LRCH4: variants seen among roughly 807,000 people sequenced by gnomAD.
LRCH4 encodes the protein leucine-rich repeat and calponin homology domain-containing protein 4.
Under a neutral mutation model 81.2 loss-of-function variants are expected in LRCH4, and 56 were observed. The observed-to-expected ratio is 0.69, with a 90% CI of 0.56 to 0.86. The LOEUF is 0.86. Ranked by LOEUF, LRCH4 falls within the 40% of genes least tolerant of loss-of-function variation. The pLI, the probability that LRCH4 is intolerant of heterozygous loss-of-function variation, is 0.00. For synonymous variants in LRCH4, 442 were observed against 409.7 expected (o/e 1.08, Z -0.95); for missense variants, 895 against 922.8 (o/e 0.97, Z 0.39).
chr7:100,581,485 A>G (rs530036565), intron 4 of LRCH4, among the ~76,000 whole-genome samples: 2 of 152,224 alleles, frequency 1.3e-5, no homozygotes, highest in Admixed American at 1.3e-4. Context: ...ATGAGGGTGG[A>G]GCCCTCATCA....
intron 14 of LRCH4, 30 bp downstream of exon 14, chr7:100,576,664 G>A: frequency 6.4e-7 from 1 of 1,552,982 alleles, no homozygotes. Context: ...GCAAGCACTG[G>A]GTCAGCACTG....
chr7:100,575,238 C>A lies in LRCH4; in HGVS notation c.1921G>T (p.Ala641Ser). ...TARGLRTALE[A>S]VKRVGGKALP... is the part of the protein sequence containing the mutation. The stretch of plus-strand genomic sequence containing the variant: ...GCCTTGCCCCCCACCCGCTTCACGG[C>A]CTCCAGCGCGGTCCGCAGCCCCCGG... Residue 641 changes from alanine (A) to serine (S), a missense_variant, in exon 18 of 18, where the codon GCC (alanine) becomes TCC (serine). By Grantham distance (99) the Ala-to-Ser change is moderately conservative. Around this residue, in one of 3 missense-constraint regions of LRCH4, gnomAD observed 529 missense variants for 504.9 expected, o/e 1.05. Coordinates refer to ENST00000310300, the MANE Select transcript of LRCH4 (RefSeq NM_002319.5). The surrounding 1 kb of genome is among the most constrained non-coding windows in gnomAD (Gnocchi z 5.3). The A allele has an allele frequency of 6.3e-7, 1 of 1,599,404 alleles. No homozygotes were observed. Among genetic ancestry groups the A allele is most frequent in the Admixed American group, 1.7e-5 (1 of 57,366 alleles).
rs1017286122 is a variant in LRCH4 at position 100,583,730 on chromosome 7, C to G, written c.221-1271G>C. Among the ~76,000 whole-genome samples, 1 of 152,212 alleles carries G rather than the reference C, an allele frequency of 6.6e-6. No homozygotes were observed. Among genetic ancestry groups the G allele is most frequent in the Admixed American group, 6.5e-5 (1 of 15,288 alleles). On this transcript the variant is annotated intron_variant, in intron 1 of 17. Coordinates refer to ENST00000310300, the MANE Select transcript of LRCH4 (RefSeq NM_002319.5). This position sits in a 1 kb window ranked among gnomAD's most constrained non-coding sequence, Gnocchi z 4.3. Reference sequence around the variant, plus strand: ...CTGGTGCACAGACAGAAGCCCTGGCCTCAGAGATGACCGTTCTGGAGAGGG... The same window carrying G: ...CTGGTGCACAGACAGAAGCCCTGGCGTCAGAGATGACCGTTCTGGAGAGGG...
Position 100,577,214 on chromosome 7 carries a change from G to T in LRCH4, c.1295+59C>A. 6.2e-7 allele frequency: 1 copy of T among 1,609,240 alleles called. No homozygotes were observed. The highest frequency in any genetic ancestry group is 8.5e-7 in the Non-Finnish European group (1 of 1,179,128). On this transcript the variant is annotated intron_variant, in intron 11 of 17. Coordinates refer to ENST00000310300, the MANE Select transcript of LRCH4 (RefSeq NM_002319.5). This position sits in a 1 kb window ranked among gnomAD's most constrained non-coding sequence, Gnocchi z 6.7. The stretch of plus-strand genomic sequence containing the variant: ...AGGCAGAACGGCTCAGCGGGGCTCG[G>T]TGGCCCCATTTCCAGGGCTCAGTGT...
chr7:100,585,058 C>A (rs1289046825), intron 1 of LRCH4: 13 of 256,122 alleles, frequency 5.1e-5, no homozygotes, highest in Non-Finnish European at 8.8e-5. Context: ...ACAGATCCTG[C>A]GGGTGGAGGC....
chr7:100,579,264 G>T (rs1801461814), intron 4 of LRCH4: 1 of 160,390 alleles, frequency 6.2e-6, no homozygotes, highest in South Asian at 1.7e-4. Context: ...ATGAAATGCT[G>T]CCTGCCCACA....
At chr7:100,585,844 AG>A in intron 1 of LRCH4, 36 bp downstream of exon 1, 3 of 1,523,050 alleles carry the variant, frequency 2.0e-6, no homozygotes, top group Non-Finnish European at 1.8e-6. Context: ...TATGCAAATG[AG>A]GGACCCGGTT....
In LRCH4 at chr7:100,574,177, A is replaced by C. The variant is rs1801250102; in HGVS notation, c.*930T>G. The C allele has an allele frequency of 6.2e-6, 1 of 160,152 alleles. No individual in the cohort carries two copies. Among genetic ancestry groups the C allele is most frequent in the African/African-American group, 2.4e-5 (1 of 41,492 alleles). The allele number at this position is 160,152 out of a possible 1,614,324, so 9.9% of individuals were successfully genotyped here. ...GCCACCCTCACCACGTGCTTCTCTGAGAGCGCGGAGCCCAGGCGCGTCTTC... is the reference window on the plus strand; with the variant it reads ...GCCACCCTCACCACGTGCTTCTCTGCGAGCGCGGAGCCCAGGCGCGTCTTC... On this transcript the variant is annotated 3_prime_UTR_variant, in exon 18 of 18. Coordinates refer to ENST00000310300, the MANE Select transcript of LRCH4 (RefSeq NM_002319.5).
intron 15 of LRCH4, 50 bp from the exon 16 acceptor site, chr7:100,576,058 G>A (rs1801348066): frequency 6.4e-7 from 1 of 1,563,128 alleles, no homozygotes; most frequent in South Asian, 1.2e-5. Context: ...AGAGGCGTCT[G>A]GGAGGCAGGG....
intron 14 of LRCH4, 36 bp from the exon 15 acceptor site, chr7:100,576,359 T>C: frequency 6.9e-7 from 1 of 1,447,786 alleles, no homozygotes; most frequent in Non-Finnish European, 9.7e-7. Context: ...CTGCCTCCAC[T>C]GCTCACCACT....
In LRCH4 at chr7:100,575,446, T is replaced by G. The variant is rs1562804013; in HGVS notation, c.1855-142A>C. The G allele has an allele frequency of 1.1e-6, 1 of 889,546 alleles. No individual in the cohort carries two copies. Among genetic ancestry groups the G allele is most frequent in the South Asian group, 1.4e-5 (1 of 70,626 alleles). The allele number at this position is 889,546 out of a possible 1,614,324, so 55.1% of individuals were successfully genotyped here. A position where few individuals can be genotyped will look rare whatever the true frequency, so the allele number is the denominator to read the frequency against. On this transcript the variant is annotated intron_variant, in intron 17 of 17. Coordinates refer to ENST00000310300, the MANE Select transcript of LRCH4 (RefSeq NM_002319.5). The surrounding 1 kb of genome is among the most constrained non-coding windows in gnomAD (Gnocchi z 5.3). ...GACGTGCTGGGCAGGGGGAGTGCAG[T>G]GCAGGAGGAGTGCAGGGCAGGGCAT... is the stretch of plus-strand genomic sequence containing the variant.
Position 100,578,590 on chromosome 7 carries a change from C to A in LRCH4, c.735+60G>T. 1 of 1,601,792 alleles carries A rather than the reference C, an allele frequency of 6.2e-7. No homozygotes were observed. Among genetic ancestry groups the A allele is most frequent in the Non-Finnish European group, 8.5e-7 (1 of 1,172,668 alleles). ...ATCCTGCTCAGCTATCCAAGGGGAC[C>A]AACCCCACTCCTGCCTAGCCACACC... is the stretch of plus-strand genomic sequence containing the variant. On this transcript the variant is annotated intron_variant, in intron 5 of 17. Transcript: ENST00000310300. This position sits in a 1 kb window ranked among gnomAD's most constrained non-coding sequence, Gnocchi z 5.7.
rs1328110321 is a variant in LRCH4 at position 100,583,757 on chromosome 7, G to T, written c.221-1298C>A. Among the ~76,000 whole-genome samples, 3 of 152,156 alleles carry T rather than the reference G, an allele frequency of 2.0e-5. No individual in the cohort carries two copies. Among genetic ancestry groups the T allele is most frequent in the Admixed American group, 6.5e-5 (1 of 15,276 alleles). ...CAGAGATGACCGTTCTGGAGAGGGT[G>T]GGGGGATGGCATTTGCCCCTCCCAG... On this transcript the variant is annotated intron_variant, in intron 1 of 17. Coordinates refer to ENST00000310300, the MANE Select transcript of LRCH4 (RefSeq NM_002319.5). This position sits in a 1 kb window ranked among gnomAD's most constrained non-coding sequence, Gnocchi z 4.3.
At chr7:100,585,791 G>C in intron 1 of LRCH4, 90 bp downstream of exon 1, 1 of 1,362,990 alleles carries the variant, frequency 7.3e-7, no homozygotes. Context: ...CCAGGTGAAG[G>C]GGCGGGCCCG....
Position 100,583,801 on chromosome 7 carries a change from G to A in LRCH4, c.221-1342C>T, listed in dbSNP as rs539925365. Among the ~76,000 whole-genome samples, 5 of 152,242 alleles carry A rather than the reference G, an allele frequency of 3.3e-5. No homozygotes were observed. Among genetic ancestry groups the A allele is most frequent in the African/African-American group, 9.6e-5 (4 of 41,530 alleles). On this transcript the variant is annotated intron_variant, in intron 1 of 17. Coordinates refer to ENST00000310300, the MANE Select transcript of LRCH4 (RefSeq NM_002319.5). This position sits in a 1 kb window ranked among gnomAD's most constrained non-coding sequence, Gnocchi z 4.3. The stretch of plus-strand genomic sequence containing the variant: ...CTCCCAGCCTCGCCTCCACCTGCCC[G>A]CTTTCTCTGCAAATGTGTTTGTGTG...
At position 100,585,893 on chromosome 7, in the gene LRCH4, T is replaced by A; in HGVS notation, c.208A>T (p.Ile70Phe). 1 of 1,607,944 alleles carries A rather than the reference T, an allele frequency of 6.2e-7. No homozygotes were observed. The highest frequency in any genetic ancestry group is 8.5e-7 in the Non-Finnish European group (1 of 1,176,570). ...GAARSYDLSD[I>F]TQADLSRNRF... ...CGGCTGCACTCACCAGCCTGGGTGA[T>A]GTCTGACAGGTCGTAGCTACGGGCC... The change falls in exon 1 of 18, where the codon ATC (isoleucine) becomes TTC (phenylalanine). Residue 70 changes from isoleucine to phenylalanine, a missense_variant. This residue lies in a region of LRCH4 where 360 missense variants were observed against 397.0 expected (regional missense o/e 0.91). Coordinates refer to ENST00000310300, the MANE Select transcript of LRCH4 (RefSeq NM_002319.5).
Position 100,574,626 on chromosome 7 carries a change from G to GCACACACACACACACACACA in LRCH4, c.*480_*481insTGTGTGTGTGTGTGTGTGTG, listed in dbSNP as rs1225489366. 7.5e-6 allele frequency: 1 copy of GCACACACACACACACACACA among 133,800 alleles called. No homozygotes were observed. The highest frequency in any genetic ancestry group is 3.1e-5 in the African/African-American group (1 of 32,594). The allele number at this position is 133,800 out of a possible 1,614,324, so 8.3% of individuals were successfully genotyped here. ...ACCAACACGCGGAGCAGACGCGCGC[G>GCACACACACACACACACACA]CGCGCGCACACACACACACACAGGC... On this transcript the variant is annotated 3_prime_UTR_variant, in exon 18 of 18. Transcript: ENST00000310300.
Position 100,583,469 on chromosome 7 carries a change from G to C in LRCH4, c.221-1010C>G, listed in dbSNP as rs77727156. Among the ~76,000 whole-genome samples, 4,767 of 152,278 alleles carry C rather than the reference G, an allele frequency of 0.031. 244 individuals are homozygous for C. Among genetic ancestry groups the C allele is most frequent in the African/African-American group, 0.11 (4,414 of 41,540 alleles). On this transcript the variant is annotated intron_variant, in intron 1 of 17. Transcript: ENST00000310300. This position sits in a 1 kb window ranked among gnomAD's most constrained non-coding sequence, Gnocchi z 4.3. ...GGGAGGGGCCCAGGGCCCGCGAGGC[G>C]GAGTCCCAGGCCACAGACCTGGTGA...
At chr7:100,576,870 G>C (rs1801378818) in intron 13 of LRCH4, 32 bp downstream of exon 13, 1 of 1,536,728 alleles carries the variant, frequency 6.5e-7, no homozygotes, top group African/African-American at 1.4e-5. Flanking sequence ...ACCAACACAG[G>C]CCCCATCCTC....
Sources: gnomAD v4.1 joint callset for allele counts (sites outside exome capture counted in the v4.1 genomes callset) on GRCh38, gnomAD v4.1.1 for gene constraint, gnomAD v4.1.1 regional missense constraint, Gnocchi (gnomAD v3.1) non-coding constraint, MANE v1.5 for transcripts, NCBI Gene and HGNC (gene_info 2026-07-23, HGNC 2026-07-21) for gene names.